PLPPR1: variants seen among roughly 807,000 people sequenced by gnomAD.
PLPPR1 encodes phospholipid phosphatase related 1.
In PLPPR1, 10 loss-of-function variants were observed where a neutral mutation model predicts 33.1. That is an observed-to-expected ratio of 0.30 (90% confidence interval 0.19 to 0.51). PLPPR1 has a LOEUF of 0.51. PLPPR1 is among the 20% of genes least tolerant of loss of function. PLPPR1 has a pLI of 0.97. For synonymous variants in PLPPR1, 151 were observed against 151.0 expected (o/e 1.00, Z 0.00); for missense variants, 304 against 408.1 (o/e 0.74, Z 2.20).
At chr9:101,259,896 G>A (rs1218013890) in intron 2 of PLPPR1, among the ~76,000 whole-genome samples, 1 of 152,084 alleles carries the variant, frequency 6.6e-6, no homozygotes, top group Non-Finnish European at 1.5e-5. Flanking sequence ...GTCAGCAGGG[G>A]GATGACTTTG....
At chr9:101,079,586 T>G (rs1438962114) in intron 1 of PLPPR1, among the ~76,000 whole-genome samples, 6 of 149,350 alleles carry the variant, frequency 4.0e-5, no homozygotes, top group African/African-American at 1.5e-4. Flanking sequence ...TGATTGCCTT[T>G]TTTTTTTTTT....
rs28438480 is a variant in PLPPR1 at position 101,051,275 on chromosome 9, T to A, written c.-46+22173T>A. ...TACTACTACTACTACTACTACTACT[T>A]CTACTACTACTACTACTACCACTAC... On this transcript the variant is annotated intron_variant, in intron 1 of 7. Coordinates refer to ENST00000374874, the MANE Select transcript of PLPPR1 (RefSeq NM_207299.2). Among the ~76,000 whole-genome samples the A allele has an allele frequency of 6.6e-3, 941 of 143,380 alleles. 29 individuals carry two copies. The East Asian group carries it at 0.1, about 15-fold the overall frequency. The allele number at this position is 143,380 out of a possible 152,430, so 94.1% of individuals were successfully genotyped here.
chr9:101,198,316 G>A (rs1222675596), intron 2 of PLPPR1, among the ~76,000 whole-genome samples: 1 of 152,022 alleles, frequency 6.6e-6, no homozygotes, highest in Non-Finnish European at 1.5e-5. Flanking sequence ...GAGCTACATG[G>A]GGCCTTAGAT....
intron 1 of PLPPR1, among the ~76,000 whole-genome samples, chr9:101,167,199 T>TCACACACACA (rs1192955125): frequency 1.9e-5 from 1 of 51,714 alleles, no homozygotes; most frequent in African/African-American, 6.9e-5. Context: ...TCTCTCTCTC[T>TCACACACACA]CACACACACA....
intron 7 of PLPPR1, among the ~76,000 whole-genome samples, chr9:101,318,685 G>A (rs1427539247): frequency 2.0e-5 from 3 of 152,106 alleles, no homozygotes; most frequent in African/African-American, 7.2e-5. Context: ...GAGGTGGGAG[G>A]AGTGTTTGAG....
At chr9:101,059,731 A>C (rs900617379) in intron 1 of PLPPR1, among the ~76,000 whole-genome samples, 1 of 152,102 alleles carries the variant, frequency 6.6e-6, no homozygotes, top group African/African-American at 2.4e-5. Flanking sequence ...AATATCACTG[A>C]TCAGCAAAGC....
intron 1 of PLPPR1, among the ~76,000 whole-genome samples, chr9:101,111,862 A>G (rs565755277): frequency 4.6e-5 from 7 of 152,340 alleles, no homozygotes; most frequent in African/African-American, 1.7e-4. Flanking sequence ...ATAATGAGAC[A>G]TTTAGAAAGG....
intron 1 of PLPPR1, among the ~76,000 whole-genome samples, chr9:101,159,403 T>A (rs949344012): frequency 6.6e-6 from 1 of 152,216 alleles, no homozygotes; most frequent in African/African-American, 2.4e-5. Flanking sequence ...AAAATGATTT[T>A]TCTCCTGCAT....
chr9:101,096,932 GGCC>G (rs1234640162), intron 1 of PLPPR1, among the ~76,000 whole-genome samples: 1 of 151,908 alleles, frequency 6.6e-6, no homozygotes, highest in Non-Finnish European at 1.5e-5. Flanking sequence ...CAGATGTGGT[GGCC>G]CACACCTGTA....
At chr9:101,210,315 T>C (rs954748638) in intron 2 of PLPPR1, among the ~76,000 whole-genome samples, 1 of 152,148 alleles carries the variant, frequency 6.6e-6, no homozygotes, top group African/African-American at 2.4e-5. Flanking sequence ...GAGAAGATAA[T>C]AACACCAGAA....
intron 2 of PLPPR1, among the ~76,000 whole-genome samples, chr9:101,252,319 G>T: frequency 6.6e-6 from 1 of 152,138 alleles, no homozygotes; most frequent in East Asian, 1.9e-4. Flanking sequence ...CAAGCTAGAT[G>T]AACTAGGTGT....
chr9:101,259,631 A>G lies in PLPPR1; in HGVS notation c.64-10249A>G, dbSNP rs980841697. Among the ~76,000 whole-genome samples the G allele has an allele frequency of 1.3e-4, 20 of 152,328 alleles. 1 individual carries two copies. The highest frequency in any genetic ancestry group is 1.2e-3 in the Admixed American group (18 of 15,306). On this transcript the variant is annotated intron_variant, in intron 2 of 7. Coordinates refer to ENST00000374874, the MANE Select transcript of PLPPR1 (RefSeq NM_207299.2). ...TATCCAAGGTTAAAGAGACATGCCTATGATATAGCCTGAGGAGGTCCTGAT... is the reference window on the plus strand; with the variant it reads ...TATCCAAGGTTAAAGAGACATGCCTGTGATATAGCCTGAGGAGGTCCTGAT...
chr9:101,090,800 T>C (rs1462920303), intron 1 of PLPPR1, among the ~76,000 whole-genome samples: 1 of 152,172 alleles, frequency 6.6e-6, no homozygotes, highest in African/African-American at 2.4e-5. Context: ...AAACATATTT[T>C]AAGTTTGCCT....
In PLPPR1 at chr9:101,223,336, C is replaced by CAA. The variant is rs11430026; in HGVS notation, c.63+37789_63+37790dup. ...GGGTGACAGACTGAGACCCTGTTTC[C>CAA]AAAAAAAAAAACCTTAATTGGGGAA... On this transcript the variant is annotated intron_variant, in intron 2 of 7. Transcript: ENST00000374874. Among the ~76,000 whole-genome samples, 690 of 144,854 alleles carry CAA rather than the reference C, an allele frequency of 4.8e-3. 2 individuals are homozygous for CAA. Among genetic ancestry groups the CAA allele is most frequent in the African/African-American group, 7.9e-3 (309 of 39,192 alleles).
At chr9:101,144,855 A>G (rs370934840) in intron 1 of PLPPR1, among the ~76,000 whole-genome samples, 388 of 152,246 alleles carry the variant, frequency 2.5e-3, no homozygotes, top group Middle Eastern at 0.014. Context: ...CCACCTTCTC[A>G]TTCACTTATA....
chr9:101,206,815 CCAAGCTGCACCAGGGCCAAAGAGATTT>C (rs2118758833), intron 2 of PLPPR1, among the ~76,000 whole-genome samples: 1 of 152,200 alleles, frequency 6.6e-6, no homozygotes, highest in Admixed American at 6.5e-5. Context: ...GCTTCAAGGA[CCAAGCTGCACCAGGGCCAAAGAGATTT>C]CAAGCACCAC....
At chr9:101,142,439 A>G (rs1831463818) in intron 1 of PLPPR1, among the ~76,000 whole-genome samples, 1 of 152,050 alleles carries the variant, frequency 6.6e-6, no homozygotes. Context: ...TTTTGTTTGG[A>G]CTTGGTTTTA....
At chr9:101,164,421 G>A (rs1400053604) in intron 1 of PLPPR1, among the ~76,000 whole-genome samples, 1 of 150,904 alleles carries the variant, frequency 6.6e-6, no homozygotes, top group African/African-American at 2.4e-5. Flanking sequence ...GGAGTGCAGA[G>A]GCACGATCTT....
At chr9:101,056,374 C>G (rs967051609) in intron 1 of PLPPR1, among the ~76,000 whole-genome samples, 2 of 151,976 alleles carry the variant, frequency 1.3e-5, no homozygotes, top group African/African-American at 2.4e-5. Flanking sequence ...CAATTTAAAG[C>G]TTGAATTGTT....
Sources: allele counts gnomAD v4.1 joint callset (sites outside exome capture counted in the v4.1 genomes callset), GRCh38; gene constraint gnomAD v4.1.1; transcripts MANE v1.5; gene names NCBI Gene and HGNC (gene_info 2026-07-23, HGNC 2026-07-21).